The following PKD1L3 variants were observed in gnomAD, a reference collection of about 807,000 sequenced individuals.
PKD1L3 encodes polycystin-1-like protein 3.
In PKD1L3, 239 loss-of-function variants were observed where a neutral mutation model predicts 184.1. That is an observed-to-expected ratio of 1.30 (90% CI 1.17 to 1.45). PKD1L3 has a LOEUF of 1.45. Among genes scored for constraint, PKD1L3 ranks in the 40% most tolerant of loss-of-function variants. The probability of loss-of-function intolerance (pLI) is 0.00; values close to 1 mark genes in which losing one functional copy is unlikely to be tolerated. For synonymous variants in PKD1L3, 996 were observed against 778.8 expected (o/e 1.28, Z -4.64); for missense variants, 2,660 against 2,067.2 (o/e 1.29, Z -5.56).
intron 22 of PKD1L3, among the ~76,000 whole-genome samples, chr16:71,945,053 T>C (rs1046343335): frequency 5.6e-4 from 68 of 121,416 alleles, no homozygotes; most frequent in Admixed American, 3.2e-3. Context: ...ATTTAGTACA[T>C]ATAAAGTTAA....
chr16:71,949,153 T>G (rs979053015), intron 21 of PKD1L3, among the ~76,000 whole-genome samples: 3 of 152,136 alleles, frequency 2.0e-5, no homozygotes, highest in African/African-American at 4.8e-5. Flanking sequence ...GTCTCTACAC[T>G]TTTGTGTGGG....
In PKD1L3 at chr16:71,935,470, T is replaced by G. The variant is rs1448665253; in HGVS notation, c.4501A>C (p.Asn1501His). ...QKWRFFTGKR[N>H]ILDTSIILIS... ...AGGATTATACTTGTGTCCAGAATGTTTCTTTTCCCAGTGAAGAACCTCCAC... is the reference window on the plus strand; with the variant it reads ...AGGATTATACTTGTGTCCAGAATGTGTCTTTTCCCAGTGAAGAACCTCCAC... Residue 1501 changes from asparagine to histidine, a missense_variant, in exon 26 of 30, where the codon AAC becomes CAC. Transcript: ENST00000620267. 1.3e-6 allele frequency: 2 copies of G among 1,552,252 alleles called. No individual in the cohort carries two copies. The highest frequency in any genetic ancestry group is 1.4e-5 in the African/African-American group (1 of 73,172).
At chr16:71,936,084 C>T (rs1293751035) in intron 25 of PKD1L3, among the ~76,000 whole-genome samples, 1 of 151,930 alleles carries the variant, frequency 6.6e-6, no homozygotes. Context: ...GCGTGAGCCA[C>T]CATGCCCAGC....
chr16:71,978,608 C>T (rs544969083), intron 9 of PKD1L3, among the ~76,000 whole-genome samples: 5 of 150,466 alleles, frequency 3.3e-5, no homozygotes, highest in South Asian at 2.1e-4. Flanking sequence ...GGCACAACCT[C>T]AGCTCACTGC....
chr16:71,942,571 T>C lies in PKD1L3; in HGVS notation c.4313A>G (p.Tyr1438Cys). The change falls in exon 24 of 30, where the codon TAC becomes TGC. Residue 1438 changes from tyrosine (Y) to cysteine (C), a missense_variant. By Grantham distance (194) the Tyr-to-Cys change is radical. Transcript: ENST00000620267. The part of the protein sequence containing the change: ...LTSKNENGFS[Y>C]IMRGAFFTSL... ...GTCACTCCAGTTACCTCTCATGATGTAACTGAATCCATTCTCATTCTTGCT... is the reference window on the plus strand; with the variant it reads ...GTCACTCCAGTTACCTCTCATGATGCAACTGAATCCATTCTCATTCTTGCT... The C allele has an allele frequency of 6.4e-7, 1 of 1,551,266 alleles. No homozygotes were observed. The highest frequency in any genetic ancestry group is 2.4e-5 in the East Asian group (1 of 40,918).
At chr16:71,977,552 T>C (rs2039977482) in intron 10 of PKD1L3, 85 bp from the exon 11 acceptor site, 1 of 754,734 alleles carries the variant, frequency 1.3e-6, no homozygotes, top group Admixed American at 3.9e-5. Flanking sequence ...TAAGGAAACG[T>C]CCTAGCTCTT....
chr16:71,969,841 C>T lies in PKD1L3; in HGVS notation c.2184+34G>A, dbSNP rs543315284. On this transcript the variant is annotated intron_variant, in intron 13 of 29. Coordinates refer to ENST00000620267, the MANE Select transcript of PKD1L3 (RefSeq NM_181536.2). Reference sequence around the variant, plus strand: ...CATCTTATTTAATTACTCAAAACATCATGGCAAATCTGTTGAAATCAAAGT... The same window carrying T: ...CATCTTATTTAATTACTCAAAACATTATGGCAAATCTGTTGAAATCAAAGT... The T allele has an allele frequency of 2.0e-5, 30 of 1,512,868 alleles. No individual in the cohort carries two copies. In the Admixed American group the frequency reaches 6.3e-4, roughly 32 times the overall value. The allele number at this position is 1,512,868 out of a possible 1,614,324, so 93.7% of individuals were successfully genotyped here. A position where few individuals can be genotyped will look rare whatever the true frequency, so the allele number is the denominator to read the frequency against.
chr16:71,942,896 C>T lies in PKD1L3; in HGVS notation c.3988G>A (p.Asp1330Asn). Residue 1330 changes from aspartate (D) to asparagine (N), a missense_variant, in exon 24 of 30, where the codon GAT (aspartate) becomes AAT (asparagine). By Grantham distance (23) the Asp-to-Asn change is conservative. Transcript: ENST00000620267. ...ATATGATTGGCCCAGGGGTAGAAAT[C>T]CTGAAGAAGTTTGATTTCCGAGAAC... ...HQFSEIKLLQ[D>N]FYPWANHILL... is the part of the protein sequence containing the mutation. 2 of 1,551,516 alleles carry T rather than the reference C, an allele frequency of 1.3e-6. No individual in the cohort carries two copies. Among genetic ancestry groups the T allele is most frequent in the Non-Finnish European group, 1.7e-6 (2 of 1,146,942 alleles).
rs564855799 is a variant in PKD1L3, at chr16:71,979,829, G to T, written c.1355C>A (p.Ala452Asp). The T allele has an allele frequency of 1.1e-5, 17 of 1,517,670 alleles. No homozygotes were observed. In the East Asian group the frequency reaches 4.2e-4, roughly 37 times the overall value. 94.0% of individuals were successfully genotyped at this position (1,517,670 alleles called of 1,614,324 possible). A position where few individuals can be genotyped will look rare whatever the true frequency, so the allele number is the denominator to read the frequency against. Residue 452 changes from alanine (A) to aspartate (D), a missense_variant, in exon 9 of 30, where the codon GCT becomes GAT. By Grantham distance (126) the Ala-to-Asp change is moderately radical. Transcript: ENST00000620267. ...PVRLGFPSAL[A>D]LKELLNKHPG... ...ATGTTTATTCAAGAGCTCCTTCAAA[G>T]CTAAAGCCGACGGAAAGCCTAGCCT...
At chr16:71,938,191 C>T (rs1386995913) in intron 24 of PKD1L3, among the ~76,000 whole-genome samples, 1 of 152,248 alleles carries the variant, frequency 6.6e-6, no homozygotes, top group East Asian at 1.9e-4. Context: ...ACTGCATGGC[C>T]TCTCCCCACT....
Position 71,990,085 on chromosome 16 carries a change from C to CAA in PKD1L3, c.585+193_585+194dup, listed in dbSNP as rs34692174. Among the ~76,000 whole-genome samples the CAA allele has an allele frequency of 7.2e-4, 86 of 119,136 alleles. 1 individual carries two copies. The highest frequency in any genetic ancestry group is 7.6e-4 in the Non-Finnish European group (42 of 55,156). 78.2% of individuals were successfully genotyped at this position (119,136 alleles called of 152,430 possible). On this transcript the variant is annotated intron_variant, in intron 4 of 29. Transcript: ENST00000620267. ...CAAAGTGAGACCCTGTCTCTCCCAC[C>CAA]AAAAAAAAAAAAAAAAAAAATCCTT...
At chr16:71,994,896 G>C (rs1211424268) in intron 2 of PKD1L3, among the ~76,000 whole-genome samples, 1 of 152,082 alleles carries the variant, frequency 6.6e-6, no homozygotes, top group Non-Finnish European at 1.5e-5. Context: ...GCTGAGGCAG[G>C]AGAATCACTT....
At chr16:71,996,636 G>A (rs985065245) in intron 2 of PKD1L3, among the ~76,000 whole-genome samples, 13 of 152,040 alleles carry the variant, frequency 8.6e-5, no homozygotes, top group African/African-American at 3.1e-4. Flanking sequence ...CCACTAATCT[G>A]TTCTCCATTT....
At chr16:71,990,461 G>C (rs912895029) in intron 3 of PKD1L3, 132 bp from the exon 4 acceptor site, 37 of 661,558 alleles carry the variant, frequency 5.6e-5, no homozygotes, top group Non-Finnish European at 1.2e-5. Flanking sequence ...GGCCGGACAT[G>C]GTAGCTCATG....
intron 24 of PKD1L3, 47 bp downstream of exon 24, chr16:71,942,513 G>C: frequency 6.9e-7 from 1 of 1,459,548 alleles, no homozygotes; most frequent in South Asian, 1.3e-5. Context: ...TTATTGAACA[G>C]CCTTCTTTGC....
intron 23 of PKD1L3, among the ~76,000 whole-genome samples, chr16:71,943,337 G>C (rs139779820): frequency 0.074 from 11,295 of 151,850 alleles, 1,369 homozygotes; most frequent in African/African-American, 0.25. Flanking sequence ...AGGAGTTCGA[G>C]ACCAGCCTGA....
intron 1 of PKD1L3, among the ~76,000 whole-genome samples, chr16:71,999,126 T>C (rs922363671): frequency 1.3e-5 from 2 of 151,556 alleles, no homozygotes; most frequent in African/African-American, 2.4e-5. Flanking sequence ...AAAAAATTAG[T>C]CGGGCGTGGT....
At chr16:71,980,567 C>T (rs1253456766) in intron 7 of PKD1L3, among the ~76,000 whole-genome samples, 1 of 152,162 alleles carries the variant, frequency 6.6e-6, no homozygotes, top group Non-Finnish European at 1.5e-5. Context: ...GGTGTGGTGG[C>T]TCATACCTGT....
chr16:71,972,942 G>T (rs554869455), intron 12 of PKD1L3, among the ~76,000 whole-genome samples: 9 of 152,168 alleles, frequency 5.9e-5, no homozygotes, highest in Non-Finnish European at 1.2e-4. Flanking sequence ...GAACGTAAAA[G>T]AATCTGAGAA....
Sources: gnomAD v4.1 joint callset for allele counts (sites outside exome capture counted in the v4.1 genomes callset) on GRCh38, gnomAD v4.1.1 for gene constraint, MANE v1.5 for transcripts, NCBI Gene and HGNC (gene_info 2026-07-23, HGNC 2026-07-21) for gene names.